ATXN7: variants seen among roughly 807,000 people sequenced by gnomAD.
The protein encoded by ATXN7 is ataxin 7.
A neutral mutation model predicts 70.5 loss-of-function variants in ATXN7; 12 were observed. The observed-to-expected ratio is 0.17, with a 90% CI of 0.11 to 0.28. The LOEUF (loss-of-function observed/expected upper bound fraction) is 0.28. Ranked by LOEUF, ATXN7 falls within the 10% of genes least tolerant of loss-of-function variation. The pLI is 1.00. For synonymous variants in ATXN7, 498 were observed against 448.7 expected (o/e 1.11, Z -1.39); for missense variants, 1,256 against 1,131.7 (o/e 1.11, Z -1.58).
intron 4 of ATXN7, among the ~76,000 whole-genome samples, chr3:63,924,703 A>G (rs1378776100): frequency 6.6e-6 from 1 of 152,180 alleles, no homozygotes. Flanking sequence ...AATGACCTTA[A>G]TCTGGAGAGT....
intron 4 of ATXN7, among the ~76,000 whole-genome samples, chr3:63,930,532 ATTTTT>A (rs60958975): frequency 6.9e-6 from 1 of 144,084 alleles, no homozygotes. Context: ...AGAGTTTACA[ATTTTT>A]TTTTTTTTTT....
intron 1 of ATXN7, chr3:63,865,421 C>CA: frequency 6.6e-6 from 1 of 152,274 alleles, no homozygotes; most frequent in East Asian, 1.9e-4. Flanking sequence ...CTGACCTAAA[C>CA]GCTGGCTGTA....
intron 4 of ATXN7, among the ~76,000 whole-genome samples, chr3:63,951,378 AAAGAAAG>A (rs2074950929): frequency 6.6e-6 from 1 of 152,172 alleles, no homozygotes; most frequent in Non-Finnish European, 1.5e-5. Context: ...TCTTCATAGG[AAAGAAAG>A]TAGATGCTAA....
chr3:63,873,553 A>T lies in ATXN7; in HGVS notation c.-111+9395A>T, dbSNP rs190770496. On this transcript the variant is annotated intron_variant, in intron 1 of 12. Coordinates refer to ENST00000674280, the MANE Select transcript of ATXN7 (RefSeq NM_001377405.1). Reference sequence around the variant, plus strand: ...TGTCATTCCCCAGAAGTGGGAATTGATGGAGGGCAGGTAAAACCAACAGAT... The same window carrying T: ...TGTCATTCCCCAGAAGTGGGAATTGTTGGAGGGCAGGTAAAACCAACAGAT... Among the ~76,000 whole-genome samples the T allele has an allele frequency of 2.2e-3, 331 of 152,258 alleles. 8 individuals carry two copies. Among genetic ancestry groups the T allele is most frequent in the Admixed American group, 0.021 (328 of 15,286 alleles).
At chr3:63,911,093 A>G (rs1222116195) in intron 2 of ATXN7, among the ~76,000 whole-genome samples, 3 of 152,206 alleles carry the variant, frequency 2.0e-5, no homozygotes, top group Non-Finnish European at 4.4e-5. Context: ...CTTGTGAGCA[A>G]GCATCTCTGA....
intron 4 of ATXN7, among the ~76,000 whole-genome samples, chr3:63,936,266 A>G (rs1426530476): frequency 3.3e-5 from 5 of 151,984 alleles, no homozygotes; most frequent in Non-Finnish European, 7.4e-5. Context: ...TTTTTTTCAT[A>G]CAATAAGGCC....
At chr3:63,881,852 G>A (rs704371) in intron 1 of ATXN7, among the ~76,000 whole-genome samples, 116,500 of 152,050 alleles carry the variant, frequency 0.77, 45,023 homozygotes, top group Admixed American at 0.84. Flanking sequence ...AAGTAAAGGG[G>A]CTTACCGGCT....
chr3:63,864,724 T>C (rs946408994), intron 1 of ATXN7: 5 of 152,166 alleles, frequency 3.3e-5, no homozygotes, highest in African/African-American at 1.2e-4. Flanking sequence ...TCAAAAAATG[T>C]CTATGTGACT....
rs1325186709 is a variant in ATXN7, at chr3:63,980,141, G to A, written c.726G>A (p.Gln242=). ...RGNTRPMHPI[Q]QSRVPHGRIM... ...ACACCAGGCCAATGCATCCCATTCAGCAAAGTAGAGTTCCCCATGGTAGAA... is the reference window on the plus strand; with the variant it reads ...ACACCAGGCCAATGCATCCCATTCAACAAAGTAGAGTTCCCCATGGTAGAA... Residue 242 remains glutamine, a synonymous_variant, in exon 6 of 13, where the codon CAG becomes CAA. Coordinates refer to ENST00000674280, the MANE Select transcript of ATXN7 (RefSeq NM_001377405.1). 6.2e-7 allele frequency: 1 copy of A among 1,614,192 alleles called. No homozygotes were observed. The highest frequency in any genetic ancestry group is 1.7e-5 in the Admixed American group (1 of 60,016).
Position 64,002,791 on chromosome 3 carries a change from T to G in ATXN7, c.*3324T>G, listed in dbSNP as rs2075848005. 1 of 152,192 alleles carries G rather than the reference T, an allele frequency of 6.6e-6. No homozygotes were observed. The allele number at this position is 152,192 out of a possible 1,614,324, so 9.4% of individuals were successfully genotyped here. A position where few individuals can be genotyped will look rare whatever the true frequency, so the allele number is the denominator to read the frequency against. ...CATAGTAATTCAATTGGTGATGGATTGCCTGGTGGCACCAAGGGTTACAGA... is the reference window on the plus strand; with the variant it reads ...CATAGTAATTCAATTGGTGATGGATGGCCTGGTGGCACCAAGGGTTACAGA... On this transcript the variant is annotated 3_prime_UTR_variant, in exon 13 of 13. Transcript: ENST00000674280.
intron 7 of ATXN7, 69 bp downstream of exon 7, chr3:63,982,514 C>A: frequency 7.7e-7 from 1 of 1,297,782 alleles, no homozygotes; most frequent in Non-Finnish European, 1.1e-6. Context: ...GGGAGCAAAT[C>A]AACTGCAATC....
At chr3:63,907,387 T>C (rs1703871791) in intron 2 of ATXN7, among the ~76,000 whole-genome samples, 1 of 152,034 alleles carries the variant, frequency 6.6e-6, no homozygotes, top group Non-Finnish European at 1.5e-5. Context: ...GCTGACGCAG[T>C]ACACTAGAAC....
intron 11 of ATXN7, 56 bp downstream of exon 11, chr3:63,990,915 T>G (rs1213212518): frequency 6.2e-7 from 1 of 1,607,318 alleles, no homozygotes; most frequent in Non-Finnish European, 8.5e-7. Context: ...CTGCATTGTC[T>G]TTTATTTCCT....
chr3:63,997,638 C>T (rs1234826191), intron 12 of ATXN7: 1 of 1,552,050 alleles, frequency 6.4e-7, no homozygotes, highest in African/African-American at 1.4e-5. Flanking sequence ...CCTCACCTTG[C>T]TTACGAACAG....
In ATXN7 at chr3:64,002,220, G is replaced by A. The variant is rs957490621; in HGVS notation, c.*2753G>A. 6.6e-6 allele frequency: 1 copy of A among 152,314 alleles called. No individual in the cohort carries two copies. The highest frequency in any genetic ancestry group is 2.4e-5 in the African/African-American group (1 of 41,340). The allele number at this position is 152,314 out of a possible 1,614,324, so 9.4% of individuals were successfully genotyped here. A position where few individuals can be genotyped will look rare whatever the true frequency, so the allele number is the denominator to read the frequency against. On this transcript the variant is annotated 3_prime_UTR_variant, in exon 13 of 13. Coordinates refer to ENST00000674280, the MANE Select transcript of ATXN7 (RefSeq NM_001377405.1). Reference sequence around the variant, plus strand: ...GTTTTGGTACAATTGAGATCATCTAGTATTTATTTATTAATTAATAAAAGT... The same window carrying A: ...GTTTTGGTACAATTGAGATCATCTAATATTTATTTATTAATTAATAAAAGT...
rs552612067 is a variant in ATXN7, at chr3:63,973,312, A to G, written c.500-6603A>G. Among the ~76,000 whole-genome samples, 17 of 150,812 alleles carry G rather than the reference A, an allele frequency of 1.1e-4. 1 individual carries two copies. The East Asian group carries it at 3.1e-3, about 27-fold the overall frequency. On this transcript the variant is annotated intron_variant, in intron 5 of 12. Transcript: ENST00000674280. ...CTGAGCCTCTGCTGGGAAGGTGACC[A>G]TAAACAACCTGAGAGTGACTCGAAG... is the stretch of plus-strand genomic sequence containing the variant.
intron 4 of ATXN7, among the ~76,000 whole-genome samples, chr3:63,916,422 A>G (rs1704270345): frequency 1.3e-5 from 2 of 152,190 alleles, no homozygotes; most frequent in African/African-American, 4.8e-5. Context: ...AGGATCATTT[A>G]CACGTCCCCA....
In ATXN7 at chr3:63,869,052, T is replaced by G. The variant is rs138699729; in HGVS notation, c.-111+4894T>G. 8.9e-4 allele frequency among the ~76,000 whole-genome samples: 135 copies of G among 152,310 alleles called. 4 individuals carry two copies. The East Asian group carries it at 0.021, about 24-fold the overall frequency. Reference sequence around the variant, plus strand: ...CAAAAGAAAGTGTGAGATACGTAAATAAAATACTGTATAATGCTTATGGCC... The same window carrying G: ...CAAAAGAAAGTGTGAGATACGTAAAGAAAATACTGTATAATGCTTATGGCC... On this transcript the variant is annotated intron_variant, in intron 1 of 12. Coordinates refer to ENST00000674280, the MANE Select transcript of ATXN7 (RefSeq NM_001377405.1).
At chr3:63,979,813 C>A (rs974486451) in intron 5 of ATXN7, 102 bp from the exon 6 acceptor site, 2 of 1,501,620 alleles carry the variant, frequency 1.3e-6, no homozygotes, top group Admixed American at 3.8e-5. Context: ...CTTAACGACA[C>A]GTGTTTTAAC....
Sources: allele counts gnomAD v4.1 joint callset (sites outside exome capture counted in the v4.1 genomes callset), GRCh38; gene constraint gnomAD v4.1.1; transcripts MANE v1.5; gene names NCBI Gene and HGNC (gene_info 2026-07-23, HGNC 2026-07-21).